The following AASS variants were observed in gnomAD, a reference collection of about 807,000 sequenced individuals.
AASS encodes the protein aminoadipate-semialdehyde synthase.
Under a neutral mutation model 105.4 loss-of-function variants are expected in AASS, and 86 were observed. The observed-to-expected ratio is 0.82, with a 90% CI of 0.69 to 0.98. The LOEUF is 0.98. Among genes scored for constraint, AASS ranks in the 50% least tolerant of loss-of-function variants. The pLI is 0.00. For synonymous variants in AASS, 381 were observed against 394.8 expected (o/e 0.96, Z 0.41); for missense variants, 1,048 against 1,143.2 (o/e 0.92, Z 1.20).
At chr7:122,127,775 A>C (rs1795723025) in intron 3 of AASS, among the ~76,000 whole-genome samples, 1 of 151,902 alleles carries the variant, frequency 6.6e-6, no homozygotes, top group Non-Finnish European at 1.5e-5. Flanking sequence ...TGGACCTTAG[A>C]CTTCTTTTTC....
At chr7:122,099,585 T>C (rs1406454210) in intron 13 of AASS, among the ~76,000 whole-genome samples, 1 of 151,910 alleles carries the variant, frequency 6.6e-6, no homozygotes, top group Non-Finnish European at 1.5e-5. Context: ...AACCCATTAA[T>C]GCTCAGCACA....
chr7:122,134,616 T>C (rs577471869), intron 1 of AASS, among the ~76,000 whole-genome samples: 87 of 152,160 alleles, frequency 5.7e-4, no homozygotes, highest in Non-Finnish European at 1.0e-3. Context: ...TAATTTATTG[T>C]TACCGGATTT....
At chr7:122,116,992 A>T (rs1231163365) in intron 6 of AASS, 35 bp from the exon 7 acceptor site, 1 of 1,577,408 alleles carries the variant, frequency 6.3e-7, no homozygotes, top group Admixed American at 1.7e-5. Context: ...TCCAAAAATC[A>T]ATAGAAAAAG....
At chr7:122,136,701 G>A (rs535432790) in intron 1 of AASS, among the ~76,000 whole-genome samples, 1 of 152,280 alleles carries the variant, frequency 6.6e-6, no homozygotes, top group African/African-American at 2.4e-5. Context: ...CAGGGGCTGT[G>A]TTTCATGAAT....
Position 122,133,682 on chromosome 7 carries a change from G to A in AASS, c.45C>T (p.Ser15=), listed in dbSNP as rs763558340. ...HRTGLGRLGV[S]LSKGLHHKAV... ...CTTTGTGGTGAAGACCCTTGGAGAG[G>A]CTGACCCCCAGCCTGCCCAGTCCAG... The change falls in exon 2 of 24, where the codon AGC becomes AGT. Residue 15 remains serine, a synonymous_variant. Transcript: ENST00000417368. The A allele has an allele frequency of 1.2e-6, 2 of 1,614,128 alleles. No homozygotes were observed. The highest frequency in any genetic ancestry group is 4.5e-5 in the East Asian group (2 of 44,870).
At chr7:122,079,569 T>C in intron 21 of AASS, 28 bp downstream of exon 21, 1 of 1,473,644 alleles carries the variant, frequency 6.8e-7, no homozygotes, top group African/African-American at 1.4e-5. Context: ...CAGTATATTT[T>C]GCTCTAAGTT....
intron 20 of AASS, among the ~76,000 whole-genome samples, chr7:122,080,567 T>TGGAGATTGG (rs1258235321): frequency 8.5e-5 from 13 of 152,064 alleles, no homozygotes; most frequent in Non-Finnish European, 1.3e-4. Flanking sequence ...AGGTAAAACT[T>TGGAGATTGG]AAGATTGGAA....
intron 18 of AASS, among the ~76,000 whole-genome samples, chr7:122,086,740 T>G (rs1793646840): frequency 6.6e-6 from 1 of 152,164 alleles, no homozygotes. Flanking sequence ...AATGCCACAT[T>G]AGGCATCAGT....
chr7:122,137,090 T>G (rs1796178127), intron 1 of AASS, among the ~76,000 whole-genome samples: 1 of 152,254 alleles, frequency 6.6e-6, no homozygotes, highest in African/African-American at 2.4e-5. Context: ...TAATAATTTC[T>G]GTAACTTTCA....
rs1792894661 is a variant in AASS at position 122,074,164 on chromosome 7, T to A, written c.*2325A>T. ...TTGATATTATCACTTTGATTATATA[T>A]CTATTCCAGTGAGTGTTAAGTGATA... On this transcript the variant is annotated 3_prime_UTR_variant, in exon 24 of 24. Transcript: ENST00000417368. 1.3e-5 allele frequency among the ~76,000 whole-genome samples: 2 copies of A among 152,194 alleles called. No homozygotes were observed. Among genetic ancestry groups the A allele is most frequent in the Admixed American group, 6.6e-5 (1 of 15,266 alleles).
At chr7:122,122,777 G>A (rs550929298) in intron 4 of AASS, among the ~76,000 whole-genome samples, 49 of 152,204 alleles carry the variant, frequency 3.2e-4, no homozygotes, top group Admixed American at 4.6e-4. Context: ...ATTTTCGTCC[G>A]TGGTATCTAT....
At chr7:122,091,632 C>T in intron 18 of AASS, 71 bp downstream of exon 18, 1 of 1,609,064 alleles carries the variant, frequency 6.2e-7, no homozygotes, top group Non-Finnish European at 8.5e-7. Context: ...GGTTTGGGAT[C>T]AGGGAGTATT....
In AASS at chr7:122,101,629, C is replaced by T; in HGVS notation, c.1330G>A (p.Val444Met). ...PLESQNFSPV[V>M]RDAVITSNGT... ...TTCTGCTCATAACTTACATCTCTCA[C>T]CACAGGAGAAAAATTCTGACTTTCA... The change falls in exon 12 of 24, where the codon GTG becomes ATG. Residue 444 changes from valine to methionine, a missense_variant. Physicochemically the swap from Val to Met is conservative, Grantham distance 21. Coordinates refer to ENST00000417368, the MANE Select transcript of AASS (RefSeq NM_005763.4). 6.2e-7 allele frequency: 1 copy of T among 1,610,804 alleles called. No homozygotes were observed. The highest frequency in any genetic ancestry group is 8.5e-7 in the Non-Finnish European group (1 of 1,177,738).
intron 17 of AASS, 57 bp downstream of exon 17, chr7:122,092,786 T>A: frequency 7.2e-7 from 1 of 1,389,046 alleles, no homozygotes; most frequent in South Asian, 1.2e-5. Context: ...ATACTTTGAT[T>A]CTGTACACAA....
At chr7:122,103,961 T>C (rs1216786742) in intron 11 of AASS, among the ~76,000 whole-genome samples, 1 of 151,924 alleles carries the variant, frequency 6.6e-6, no homozygotes, top group African/African-American at 2.4e-5. Flanking sequence ...AAAGCAGATA[T>C]ACAAATGATA....
rs897108899 is a variant in AASS at position 122,144,200 on chromosome 7, C to G, written c.-55G>C. ...GGCGCCGACTTGTCCCCCGCCGCCT[C>G]GAATCTTCCGAGTCGCTGCAGGGGA... On this transcript the variant is annotated 5_prime_UTR_variant, in exon 1 of 24. Coordinates refer to ENST00000417368, the MANE Select transcript of AASS (RefSeq NM_005763.4). 1 of 152,430 alleles carries G rather than the reference C, an allele frequency of 6.6e-6. No homozygotes were observed. Among genetic ancestry groups the G allele is most frequent in the Non-Finnish European group, 1.5e-5 (1 of 68,220 alleles). The allele number at this position is 152,430 out of a possible 1,614,324, so 9.4% of individuals were successfully genotyped here. A position where few individuals can be genotyped will look rare whatever the true frequency, so the allele number is the denominator to read the frequency against.
rs566866368 is a variant in AASS at position 122,077,988 on chromosome 7, T to C, written c.2512A>G (p.Met838Val). The change falls in exon 23 of 24, where the codon ATG (methionine) becomes GTG (valine). Residue 838 changes from methionine to valine, a missense_variant. Met to Val is a conservative substitution (Grantham distance 21, BLOSUM62 1). Transcript: ENST00000417368. ...YGPEEKDMIV[M>V]RDSFGIRHPS... is the part of the protein sequence containing the mutation. Reference sequence around the variant, plus strand: ...TGTCTGATTCCAAAGCTGTCTCTCATCACAATCATATCTTTTTCTTCAGGA... The same window carrying C: ...TGTCTGATTCCAAAGCTGTCTCTCACCACAATCATATCTTTTTCTTCAGGA... The C allele has an allele frequency of 4.0e-5, 65 of 1,614,164 alleles. 1 individual carries two copies. In the South Asian group the frequency reaches 5.2e-4, roughly 13 times the overall value.
intron 6 of AASS, among the ~76,000 whole-genome samples, chr7:122,117,709 G>A (rs1795248768): frequency 6.6e-6 from 1 of 151,810 alleles, no homozygotes; most frequent in Non-Finnish European, 1.5e-5. Flanking sequence ...AGGCTGGAGT[G>A]CAGTGGTGCA....
chr7:122,074,297 G>A lies in AASS; in HGVS notation c.*2192C>T, dbSNP rs1792902007. Among the ~76,000 whole-genome samples the A allele has an allele frequency of 6.6e-6, 1 of 152,020 alleles. No individual in the cohort carries two copies. The highest frequency in any genetic ancestry group is 2.4e-5 in the African/African-American group (1 of 41,382). ...TCTTCTTTGGAGAACTGTTAATTCA[G>A]ATCTCTTGTTGATTTTTAAAAATTG... On this transcript the variant is annotated 3_prime_UTR_variant, in exon 24 of 24. Coordinates refer to ENST00000417368, the MANE Select transcript of AASS (RefSeq NM_005763.4).
Sources: allele counts gnomAD v4.1 joint callset (sites outside exome capture counted in the v4.1 genomes callset), GRCh38; gene constraint gnomAD v4.1.1; transcripts MANE v1.5; gene names NCBI Gene and HGNC (gene_info 2026-07-23, HGNC 2026-07-21).